EPHA8: variants seen among roughly 807,000 people sequenced by gnomAD.
EPHA8 encodes EPH receptor A8.
A neutral mutation model predicts 103.6 loss-of-function variants in EPHA8; 58 were observed. The observed-to-expected ratio is 0.56, with a 90% CI of 0.45 to 0.70. The LOEUF (loss-of-function observed/expected upper bound fraction) is 0.70, where lower values mean the gene tolerates loss of function less well. Ranked by LOEUF, EPHA8 falls within the 30% of genes least tolerant of loss-of-function variation. The probability of loss-of-function intolerance (pLI) is 0.00; values close to 1 mark genes in which losing one functional copy is unlikely to be tolerated. For missense variants in EPHA8, 1,304 were observed against 1,395.2 expected, an observed-to-expected ratio of 0.93 and a Z score of 1.04; for synonymous variants, 559 against 572.5, an observed-to-expected ratio of 0.98 and a Z score of 0.34.
At position 22,599,155 on chromosome 1, in the gene EPHA8, G is replaced by A. The variant is rs11805067; in HGVS notation, c.2388+108G>A. 9,296 of 1,251,450 alleles carry A rather than the reference G, an allele frequency of 7.4e-3. 432 individuals carry two copies. In the African/African-American group the frequency reaches 0.11, roughly 15 times the overall value. The allele number at this position is 1,251,450 out of a possible 1,614,324, so 77.5% of individuals were successfully genotyped here. ...GTAGCTGAATGAAGTTGGCAGTTTC[G>A]GGGTGGCCCTCAACCTGGGGCACAT... On this transcript the variant is annotated intron_variant, in intron 13 of 16. Coordinates refer to ENST00000166244, the MANE Select transcript of EPHA8 (RefSeq NM_020526.5).
chr1:22,578,084 TG>T, intron 3 of EPHA8, among the ~76,000 whole-genome samples: 1 of 77,806 alleles, frequency 1.3e-5, no homozygotes. Context: ...TATGCATGTG[TG>T]TGCATGTAGC....
At chr1:22,565,663 A>G (rs1640338050) in intron 1 of EPHA8, among the ~76,000 whole-genome samples, 1 of 152,060 alleles carries the variant, frequency 6.6e-6, no homozygotes. Flanking sequence ...CCCCTCGAAG[A>G]GGGGGCTTGG....
At position 22,593,625 on chromosome 1, in the gene EPHA8, C is replaced by A. The variant is rs1411696061; in HGVS notation, c.1542C>A (p.Ala514=). 1.2e-6 allele frequency: 2 copies of A among 1,608,978 alleles called. No individual in the cohort carries two copies. The highest frequency in any genetic ancestry group is 1.7e-5 in the Admixed American group (1 of 59,640). ...CCCGCTACGTGTTCCAGGTCCGAGC[C>A]CGCACCTCAGCAGGCTGTGGCCGCT... ...PGTRYVFQVR[A]RTSAGCGRFS... is the part of the protein sequence containing the mutation. The change falls in exon 7 of 17, where the codon GCC becomes GCA. Residue 514 remains alanine (A), a synonymous_variant. Coordinates refer to ENST00000166244, the MANE Select transcript of EPHA8 (RefSeq NM_020526.5).
chr1:22,579,299 A>G (rs1289589646), intron 3 of EPHA8, among the ~76,000 whole-genome samples: 1 of 150,516 alleles, frequency 6.6e-6, no homozygotes, highest in South Asian at 2.1e-4. Context: ...GTGTGCATGC[A>G]TGTGTACATG....
At chr1:22,577,714 C>T (rs921145889) in intron 3 of EPHA8, among the ~76,000 whole-genome samples, 9 of 151,572 alleles carry the variant, frequency 5.9e-5, no homozygotes, top group Admixed American at 2.6e-4. Flanking sequence ...GTTCCTGTGT[C>T]GGAGCAGGAG....
At chr1:22,584,927 TAGA>T (rs1217416156) in intron 3 of EPHA8, among the ~76,000 whole-genome samples, 1 of 152,098 alleles carries the variant, frequency 6.6e-6, no homozygotes, top group Non-Finnish European at 1.5e-5. Context: ...CCTCCCAGTC[TAGA>T]AGGAGAGTCA....
At chr1:22,574,270 CG>C (rs1177708005) in intron 2 of EPHA8, among the ~76,000 whole-genome samples, 1 of 151,442 alleles carries the variant, frequency 6.6e-6, no homozygotes, top group Non-Finnish European at 1.5e-5. Context: ...TGAGCCACCG[CG>C]CCCGGCCAGG....
rs1386954105 is a variant in EPHA8, at chr1:22,598,488, G to T, written c.2178+276G>T. Reference sequence around the variant, plus strand: ...GTGGGAATCCAGGCCCCACCCAGCTGGGGGGCATGCTGGCTGTGGTGGAGA... The same window carrying T: ...GTGGGAATCCAGGCCCCACCCAGCTTGGGGGCATGCTGGCTGTGGTGGAGA... On this transcript the variant is annotated intron_variant, in intron 12 of 16. Transcript: ENST00000166244. This position sits in a 1 kb window ranked among gnomAD's most constrained non-coding sequence, Gnocchi z 5.1. Among the ~76,000 whole-genome samples the T allele has an allele frequency of 1.3e-5, 2 of 152,170 alleles. No individual in the cohort carries two copies. The highest frequency in any genetic ancestry group is 1.3e-4 in the Admixed American group (2 of 15,284).
Position 22,601,077 on chromosome 1 carries a change from C to T in EPHA8, c.2718C>T (p.Ala906=). The T allele has an allele frequency of 1.9e-6, 3 of 1,606,300 alleles. No homozygotes were observed. The highest frequency in any genetic ancestry group is 2.6e-6 in the Non-Finnish European group (3 of 1,176,354). ...GCCCTGAGAGTCTCAGGGCCACCGCCACAGTCAGCAGGTGCCTTGTGCCCA... is the reference window on the plus strand; with the variant it reads ...GCCCTGAGAGTCTCAGGGCCACCGCTACAGTCAGCAGGTGCCTTGTGCCCA... ...IRSPESLRAT[A]TVSRCPPPAF... is the part of the protein sequence containing the mutation. Residue 906 remains alanine (A), a synonymous_variant, in exon 15 of 17, where the codon GCC becomes GCT. Coordinates refer to ENST00000166244, the MANE Select transcript of EPHA8 (RefSeq NM_020526.5).
At chr1:22,572,122 C>A (rs1640558938) in intron 2 of EPHA8, among the ~76,000 whole-genome samples, 1 of 152,304 alleles carries the variant, frequency 6.6e-6, no homozygotes, top group East Asian at 1.9e-4. Context: ...TTCTATCCAC[C>A]CCTCTGACTC....
At chr1:22,583,890 G>A (rs1361250118) in intron 3 of EPHA8, among the ~76,000 whole-genome samples, 2 of 152,234 alleles carry the variant, frequency 1.3e-5, no homozygotes, top group Non-Finnish European at 2.9e-5. Flanking sequence ...CTTCCCTCAG[G>A]CCCCGCATCA....
chr1:22,585,519 C>T (rs538448148), intron 3 of EPHA8, among the ~76,000 whole-genome samples: 2 of 152,324 alleles, frequency 1.3e-5, no homozygotes, highest in Admixed American at 1.3e-4. Flanking sequence ...CCCTTGTTCT[C>T]TCCCTCCCTC....
chr1:22,593,745 G>A (rs1228919985), intron 7 of EPHA8, 59 bp downstream of exon 7: 4 of 1,463,074 alleles, frequency 2.7e-6, no homozygotes, highest in South Asian at 2.8e-5. Context: ...CCCTGGGGTC[G>A]GGGGGTGGCC....
intron 5 of EPHA8, among the ~76,000 whole-genome samples, chr1:22,592,140 C>G (rs1641388529): frequency 6.6e-6 from 1 of 152,172 alleles, no homozygotes; most frequent in Non-Finnish European, 1.5e-5. Flanking sequence ...CCCCTCCTGC[C>G]TCACCATCAC....
chr1:22,588,535 G>T (rs1641280619), intron 4 of EPHA8, among the ~76,000 whole-genome samples: 1 of 152,002 alleles, frequency 6.6e-6, no homozygotes, highest in Non-Finnish European at 1.5e-5. Context: ...CAGGGTGGCT[G>T]CTGTGGGCAC....
At chr1:22,585,052 C>CGCGTGCGCGCGCGT (rs147149954) in intron 3 of EPHA8, among the ~76,000 whole-genome samples, 1 of 144,370 alleles carries the variant, frequency 6.9e-6, no homozygotes, top group African/African-American at 2.7e-5. Context: ...TGTGTGTGTG[C>CGCGTGCGCGCGCGT]GCACGCGTGT....
intron 1 of EPHA8, among the ~76,000 whole-genome samples, chr1:22,564,905 G>A (rs866715790): frequency 3.9e-5 from 6 of 152,020 alleles, no homozygotes; most frequent in Admixed American, 2.0e-4. Flanking sequence ...GCTCTTCCAC[G>A]CCCAGACAGA....
At chr1:22,565,672 G>A (rs1049318030) in intron 1 of EPHA8, among the ~76,000 whole-genome samples, 3 of 152,206 alleles carry the variant, frequency 2.0e-5, no homozygotes, top group African/African-American at 7.2e-5. Context: ...GAGGGGGCTT[G>A]GACCAGGCTC....
In EPHA8 at chr1:22,601,737, T is replaced by A. The variant is rs1035348096; in HGVS notation, c.3014T>A (p.Leu1005His). The change falls in exon 17 of 17, where the codon CTC becomes CAC. Residue 1005 changes from leucine (L) to histidine (H), a missense_variant. Physicochemically the swap from Leu to His is moderately conservative, Grantham distance 99. Coordinates refer to ENST00000166244, the MANE Select transcript of EPHA8 (RefSeq NM_020526.5). ...AGCACCCAGGGGCCCCGCCGGCACC[T>A]CTGATGTACAGCCAGCAGGGCCCAG... is the stretch of plus-strand genomic sequence containing the variant. ...LTSTQGPRRH[L>H] The A allele has an allele frequency of 6.4e-6, 10 of 1,557,922 alleles. No homozygotes were observed. The highest frequency in any genetic ancestry group is 8.7e-6 in the Non-Finnish European group (10 of 1,151,136).
Sources: allele counts gnomAD v4.1 joint callset (sites outside exome capture counted in the v4.1 genomes callset), GRCh38; gene constraint gnomAD v4.1.1; non-coding constraint Gnocchi (gnomAD v3.1); transcripts MANE v1.5; gene names NCBI Gene and HGNC (gene_info 2026-07-23, HGNC 2026-07-21).